The following EPHA3 variants were observed in gnomAD, a reference collection of about 807,000 sequenced individuals.
The protein encoded by EPHA3 is EPH receptor A3, also known as ephrin type-A receptor 3.
EPHA3 carries 42 observed loss-of-function variants against 107.1 expected under a neutral mutation model. The observed-to-expected ratio is 0.39, with a 90% CI of 0.31 to 0.51. EPHA3 has a LOEUF of 0.51. Among genes scored for constraint, EPHA3 ranks in the 20% least tolerant of loss-of-function variants. The probability of loss-of-function intolerance (pLI) is 0.78; values close to 1 mark genes in which losing one functional copy is unlikely to be tolerated. For missense variants in EPHA3, 1,183 were observed against 1,211.2 expected (o/e 0.98, Z 0.35); for synonymous variants, 461 against 424.8 (o/e 1.09, Z -1.05).
chr3:89,177,131 A>G (rs925383408), intron 2 of EPHA3, among the ~76,000 whole-genome samples: 1 of 152,064 alleles, frequency 6.6e-6, no homozygotes, highest in Non-Finnish European at 1.5e-5. Context: ...CACTTCTCAT[A>G]ATCATCTGAA....
chr3:89,114,500 G>A (rs1253264887), intron 1 of EPHA3, among the ~76,000 whole-genome samples: 1 of 152,182 alleles, frequency 6.6e-6, no homozygotes, highest in African/African-American at 2.4e-5. Flanking sequence ...TGCGCGTAAC[G>A]CAGTCTCAGC....
Position 89,319,932 on chromosome 3 carries a change from T to C in EPHA3, c.815-20984T>C, listed in dbSNP as rs577694248. Among the ~76,000 whole-genome samples, 10 of 152,052 alleles carry C rather than the reference T, an allele frequency of 6.6e-5. No homozygotes were observed. In the South Asian group the frequency reaches 1.4e-3, roughly 22 times the overall value. Reference sequence around the variant, plus strand: ...AATAAGTAATGGTATATATTTTATATAATGCTATATACAATAACAGAACAA... The same window carrying C: ...AATAAGTAATGGTATATATTTTATACAATGCTATATACAATAACAGAACAA... On this transcript the variant is annotated intron_variant, in intron 3 of 16. Coordinates refer to ENST00000336596, the MANE Select transcript of EPHA3 (RefSeq NM_005233.6).
intron 3 of EPHA3, among the ~76,000 whole-genome samples, chr3:89,262,995 A>G (rs897205118): frequency 2.3e-5 from 2 of 86,324 alleles, no homozygotes; most frequent in African/African-American, 8.1e-5. Flanking sequence ...TTTTTTAATT[A>G]TACTTTAAGT....
intron 12 of EPHA3, among the ~76,000 whole-genome samples, chr3:89,430,608 T>C (rs1709546798): frequency 6.6e-6 from 1 of 152,172 alleles, no homozygotes; most frequent in African/African-American, 2.4e-5. Context: ...TAGTTTCTTA[T>C]TGCTTTCTAT....
intron 5 of EPHA3, among the ~76,000 whole-genome samples, chr3:89,369,507 A>C (rs1708250581): frequency 1.3e-5 from 2 of 150,566 alleles, no homozygotes; most frequent in Admixed American, 1.3e-4. Flanking sequence ...AAATTAATTC[A>C]AGATGGATTA....
At chr3:89,212,655 T>G (rs1704131246) in intron 3 of EPHA3, among the ~76,000 whole-genome samples, 1 of 151,950 alleles carries the variant, frequency 6.6e-6, no homozygotes, top group Non-Finnish European at 1.5e-5. Flanking sequence ...TTGGTTTAGT[T>G]TGGAGGGGAG....
intron 3 of EPHA3, among the ~76,000 whole-genome samples, chr3:89,337,840 T>C (rs1463662233): frequency 6.6e-6 from 1 of 152,208 alleles, no homozygotes; most frequent in Non-Finnish European, 1.5e-5. Context: ...TAGGCCACAG[T>C]GACTTAAACA....
intron 2 of EPHA3, among the ~76,000 whole-genome samples, chr3:89,204,356 C>T (rs1706048176): frequency 6.6e-6 from 1 of 152,018 alleles, no homozygotes; most frequent in African/African-American, 2.4e-5. Context: ...ATGCCCTTTT[C>T]GGTCATATTT....
At chr3:89,401,034 T>C (rs1168755230) in intron 7 of EPHA3, among the ~76,000 whole-genome samples, 1 of 152,184 alleles carries the variant, frequency 6.6e-6, no homozygotes, top group African/African-American at 2.4e-5. Flanking sequence ...AGATAGTTAG[T>C]TCCTGACATA....
At chr3:89,116,002 A>G (rs188393153) in intron 1 of EPHA3, among the ~76,000 whole-genome samples, 308 of 152,332 alleles carry the variant, frequency 2.0e-3, no homozygotes, top group Non-Finnish European at 3.0e-3. Context: ...GAAGAAAACC[A>G]TATAAATGAG....
At chr3:89,108,513 G>A (rs185986789) in intron 1 of EPHA3, among the ~76,000 whole-genome samples, 5 of 152,254 alleles carry the variant, frequency 3.3e-5, no homozygotes. Flanking sequence ...TATACAAATA[G>A]GAGAATGTAT....
intron 3 of EPHA3, among the ~76,000 whole-genome samples, chr3:89,273,900 G>C (rs1705741429): frequency 6.6e-6 from 1 of 151,866 alleles, no homozygotes; most frequent in African/African-American, 2.4e-5. Flanking sequence ...TTTTACCACT[G>C]TGCTTTCGGG....
At chr3:89,376,911 C>A (rs114254557) in intron 5 of EPHA3, among the ~76,000 whole-genome samples, 2,404 of 152,092 alleles carry the variant, frequency 0.016, 66 homozygotes, top group African/African-American at 0.055. Flanking sequence ...TGAATAAATT[C>A]TTTGGTTGCA....
At chr3:89,452,115 T>C (rs1242995349) in intron 15 of EPHA3, among the ~76,000 whole-genome samples, 3 of 152,196 alleles carry the variant, frequency 2.0e-5, no homozygotes, top group African/African-American at 7.2e-5. Context: ...TGTCAGTGGA[T>C]ACCTATGTTG....
intron 3 of EPHA3, among the ~76,000 whole-genome samples, chr3:89,211,010 T>G (rs1413322735): frequency 6.6e-6 from 1 of 152,124 alleles, no homozygotes; most frequent in Admixed American, 6.6e-5. Context: ...ATCAAATACA[T>G]GTTTACTTAC....
At chr3:89,256,672 G>A (rs1185525687) in intron 3 of EPHA3, among the ~76,000 whole-genome samples, 1 of 152,102 alleles carries the variant, frequency 6.6e-6, no homozygotes, top group African/African-American at 2.4e-5. Flanking sequence ...AAGGCTAAAG[G>A]AATTTCTTGT....
intron 1 of EPHA3, among the ~76,000 whole-genome samples, chr3:89,120,166 T>C (rs1353201610): frequency 6.6e-6 from 1 of 152,224 alleles, no homozygotes; most frequent in Admixed American, 6.5e-5. Flanking sequence ...TTGAGTAATA[T>C]GTTTTCATTT....
At chr3:89,169,805 C>A (rs1576200807) in intron 2 of EPHA3, among the ~76,000 whole-genome samples, 3 of 152,164 alleles carry the variant, frequency 2.0e-5, no homozygotes, top group Admixed American at 2.0e-4. Flanking sequence ...TACTTCATAA[C>A]CTTAATTTTG....
At chr3:89,334,986 G>A (rs1237312899) in intron 3 of EPHA3, among the ~76,000 whole-genome samples, 3 of 152,082 alleles carry the variant, frequency 2.0e-5, no homozygotes, top group South Asian at 2.1e-4. Flanking sequence ...ATATAAAAAC[G>A]TATCTTGCAA....
Sources: gnomAD v4.1 joint callset for allele counts (sites outside exome capture counted in the v4.1 genomes callset) on GRCh38, gnomAD v4.1.1 for gene constraint, MANE v1.5 for transcripts, NCBI Gene and HGNC (gene_info 2026-07-23, HGNC 2026-07-21) for gene names.